Variants in NCAM2 observed in about 807,000 individuals in gnomAD.
The protein encoded by NCAM2 is neural cell adhesion molecule 2, also known as N-CAM-2.
Under a neutral mutation model 98.1 loss-of-function variants are expected in NCAM2, and 30 were observed. The ratio of observed to expected loss-of-function variants is 0.31; its 90% CI spans 0.23 to 0.41. NCAM2 has a LOEUF of 0.41. NCAM2 is among the 10% of genes least tolerant of loss of function. The pLI is 1.00. For synonymous variants in NCAM2, 368 were observed against 342.4 expected, an observed-to-expected ratio of 1.07 and a Z score of -0.83; for missense variants, 867 against 1,005.8, an observed-to-expected ratio of 0.86 and a Z score of 1.87.
At chr21:21,012,432 T>A (rs1413855823) in intron 1 of NCAM2, among the ~76,000 whole-genome samples, 1 of 152,042 alleles carries the variant, frequency 6.6e-6, no homozygotes, top group Non-Finnish European at 1.5e-5. Flanking sequence ...ATTACATCAG[T>A]TTAGGATGCT....
In NCAM2 at chr21:21,264,334, G is replaced by C. The variant is rs562525119; in HGVS notation, c.56-16244G>C. Among the ~76,000 whole-genome samples, 83 of 152,098 alleles carry C rather than the reference G, an allele frequency of 5.5e-4. 1 individual carries two copies. Among genetic ancestry groups the C allele is most frequent in the African/African-American group, 2.0e-3 (82 of 41,532 alleles). On this transcript the variant is annotated intron_variant, in intron 1 of 17. Coordinates refer to ENST00000400546, the MANE Select transcript of NCAM2 (RefSeq NM_004540.5). ...CAGCCAGAATGGCTATTATTAAAAA[G>C]TCAAAAACTAACAGATGTTGGTGAG...
At chr21:21,061,788 A>T (rs907890335) in intron 1 of NCAM2, among the ~76,000 whole-genome samples, 3 of 152,062 alleles carry the variant, frequency 2.0e-5, no homozygotes, top group Admixed American at 2.0e-4. Context: ...CTGTTATTTT[A>T]CTTAGTTATA....
intron 1 of NCAM2, among the ~76,000 whole-genome samples, chr21:21,106,143 C>G (rs1242505784): frequency 6.6e-6 from 1 of 151,694 alleles, no homozygotes; most frequent in African/African-American, 2.4e-5. Context: ...ACAGTCTCTA[C>G]AAAAAATTTA....
chr21:21,009,164 A>G (rs1222766742), intron 1 of NCAM2, among the ~76,000 whole-genome samples: 2 of 152,152 alleles, frequency 1.3e-5, no homozygotes, highest in Non-Finnish European at 2.9e-5. Flanking sequence ...CTGAATGCAT[A>G]TTTAAATATT....
At chr21:21,532,135 A>T (rs9976983) in intron 16 of NCAM2, among the ~76,000 whole-genome samples, 70,942 of 151,878 alleles carry the variant, frequency 0.47, 16,987 homozygotes, top group African/African-American at 0.51. Context: ...ATAATAAAAA[A>T]GTTAAAAATA....
In NCAM2 at chr21:21,026,855, CTT is replaced by C. The variant is rs752588922; in HGVS notation, c.55+28255_55+28256del. Among the ~76,000 whole-genome samples, 214 of 126,782 alleles carry C rather than the reference CTT, an allele frequency of 1.7e-3. 2 individuals are homozygous for C. Among genetic ancestry groups the C allele is most frequent in the African/African-American group, 5.8e-3 (198 of 33,918 alleles). The allele number at this position is 126,782 out of a possible 152,430, so 83.2% of individuals were successfully genotyped here. ...GCAAATGTTTTCTTTTCTTCTTCTT[CTT>C]TTTTTTTTTTTTTTTTTGAGACAGC... On this transcript the variant is annotated intron_variant, in intron 1 of 17. Transcript: ENST00000400546.
At chr21:21,343,341 A>G (rs232375) in intron 8 of NCAM2, among the ~76,000 whole-genome samples, 28,134 of 146,704 alleles carry the variant, frequency 0.19, 2,861 homozygotes, top group Middle Eastern at 0.31. Context: ...CACCAAGTTA[A>G]CAACTATCTA....
At chr21:21,360,205 A>C (rs143877088) in intron 8 of NCAM2, among the ~76,000 whole-genome samples, 208 of 152,066 alleles carry the variant, frequency 1.4e-3, no homozygotes, top group Middle Eastern at 6.8e-3. Flanking sequence ...GCCTTAACAC[A>C]GAAGTTGCAA....
intron 1 of NCAM2, among the ~76,000 whole-genome samples, chr21:21,088,343 C>G (rs1241048438): frequency 2.0e-5 from 3 of 152,132 alleles, no homozygotes; most frequent in Non-Finnish European, 4.4e-5. Flanking sequence ...TAATATACTA[C>G]TATTCTTAAC....
chr21:21,044,991 CATAT>C (rs1417109013), intron 1 of NCAM2, among the ~76,000 whole-genome samples: 2 of 151,952 alleles, frequency 1.3e-5, no homozygotes, highest in African/African-American at 2.4e-5. Context: ...AATGAAAATA[CATAT>C]ATATCTATAT....
intron 12 of NCAM2, among the ~76,000 whole-genome samples, chr21:21,441,281 C>G (rs141671291): frequency 7.2e-4 from 110 of 152,216 alleles, no homozygotes; most frequent in African/African-American, 2.4e-3. Context: ...AAGTGACATC[C>G]TAGTGAATCT....
chr21:21,228,789 G>A (rs1201422454), intron 1 of NCAM2, among the ~76,000 whole-genome samples: 1 of 151,380 alleles, frequency 6.6e-6, no homozygotes, highest in Non-Finnish European at 1.5e-5. Flanking sequence ...TTGGATATTA[G>A]TCATATCTGC....
chr21:21,485,580 A>G (rs951096285), intron 15 of NCAM2, among the ~76,000 whole-genome samples: 3 of 152,216 alleles, frequency 2.0e-5, no homozygotes, highest in Non-Finnish European at 2.9e-5. Context: ...TTATGTGAAT[A>G]TGCAATTTTC....
At chr21:21,123,057 A>G (rs901034291) in intron 1 of NCAM2, among the ~76,000 whole-genome samples, 1 of 152,164 alleles carries the variant, frequency 6.6e-6, no homozygotes, top group Non-Finnish European at 1.5e-5. Context: ...ATAATTAAAC[A>G]AATATAATTA....
At chr21:21,088,532 A>G (rs888897027) in intron 1 of NCAM2, among the ~76,000 whole-genome samples, 10 of 152,228 alleles carry the variant, frequency 6.6e-5, no homozygotes, top group Non-Finnish European at 1.5e-4. Context: ...CAAACCACAT[A>G]TAACAACCTC....
rs1555902019 is a variant in NCAM2 at position 21,467,412 on chromosome 21, G to GTA, written c.1774+697_1774+698dup. Among the ~76,000 whole-genome samples, 23 of 41,446 alleles carry GTA rather than the reference G, an allele frequency of 5.5e-4. 1 individual carries two copies. The highest frequency in any genetic ancestry group is 2.4e-3 in the East Asian group (11 of 4,576). 27.2% of individuals were successfully genotyped at this position (41,446 alleles called of 152,430 possible). A position where few individuals can be genotyped will look rare whatever the true frequency, so the allele number is the denominator to read the frequency against. On this transcript the variant is annotated intron_variant, in intron 13 of 17. Transcript: ENST00000400546. ...TATATATATATATCGTTGTATATGT[G>GTA]TATATATATATCTTTTTATATATAT...
At chr21:21,222,042 C>A (rs963352179) in intron 1 of NCAM2, among the ~76,000 whole-genome samples, 1 of 152,132 alleles carries the variant, frequency 6.6e-6, no homozygotes, top group African/African-American at 2.4e-5. Flanking sequence ...GCTAAATCTC[C>A]TCTGCCTGTG....
intron 16 of NCAM2, among the ~76,000 whole-genome samples, chr21:21,509,485 C>T (rs1460092345): frequency 6.6e-6 from 1 of 152,026 alleles, no homozygotes; most frequent in African/African-American, 2.4e-5. Context: ...CTTCTACAAA[C>T]GTAAGGCATG....
chr21:21,376,660 G>A (rs940600230), intron 9 of NCAM2, among the ~76,000 whole-genome samples: 5 of 151,520 alleles, frequency 3.3e-5, no homozygotes, highest in African/African-American at 9.7e-5. Context: ...ACTTTAATAC[G>A]AAAAAAGTAC....
Sources: gnomAD v4.1 joint callset for allele counts (sites outside exome capture counted in the v4.1 genomes callset) on GRCh38, gnomAD v4.1.1 for gene constraint, MANE v1.5 for transcripts, NCBI Gene and HGNC (gene_info 2026-07-23, HGNC 2026-07-21) for gene names.